The following TMPRSS11F variants were observed in gnomAD, a reference collection of about 807,000 sequenced individuals.
The protein encoded by TMPRSS11F is transmembrane protease serine 11F.
A neutral mutation model predicts 60.2 loss-of-function variants in TMPRSS11F; 47 were observed. That is an observed-to-expected ratio of 0.78 (90% CI 0.62 to 1.00). TMPRSS11F has a LOEUF of 1.00. Among genes scored for constraint, TMPRSS11F ranks in the 50% least tolerant of loss-of-function variants. TMPRSS11F has a pLI of 0.00. For synonymous variants in TMPRSS11F, 166 were observed against 167.3 expected (o/e 0.99, Z 0.06); for missense variants, 519 against 522.9 (o/e 0.99, Z 0.07).
intron 2 of TMPRSS11F, among the ~76,000 whole-genome samples, chr4:68,093,238 T>A (rs1723981477): frequency 6.6e-6 from 1 of 152,168 alleles, no homozygotes; most frequent in African/African-American, 2.4e-5. Flanking sequence ...TTTTCTGAAG[T>A]AAAAATAATA....
At chr4:68,115,787 T>C (rs973948433) in intron 1 of TMPRSS11F, among the ~76,000 whole-genome samples, 6 of 152,142 alleles carry the variant, frequency 3.9e-5, no homozygotes, top group African/African-American at 1.4e-4. Flanking sequence ...AACTATGAAA[T>C]AATTATCTGT....
At chr4:68,102,763 G>A (rs1051096048) in intron 1 of TMPRSS11F, among the ~76,000 whole-genome samples, 2 of 152,032 alleles carry the variant, frequency 1.3e-5, no homozygotes, top group Admixed American at 1.3e-4. Flanking sequence ...CAATCTGTGG[G>A]CTGCTTTTTC....
At chr4:68,069,624 A>T (rs201399795) in intron 6 of TMPRSS11F, among the ~76,000 whole-genome samples, 41 of 93,336 alleles carry the variant, frequency 4.4e-4, no homozygotes, top group Admixed American at 2.9e-3. Flanking sequence ...CAAGCAAATT[A>T]AAAAAAAATT....
intron 1 of TMPRSS11F, among the ~76,000 whole-genome samples, chr4:68,122,706 G>A (rs1228160150): frequency 1.3e-5 from 2 of 152,100 alleles, no homozygotes; most frequent in Non-Finnish European, 2.9e-5. Context: ...CATGCCTGTT[G>A]AATGAAAAAC....
chr4:68,123,319 A>G (rs114751498), intron 1 of TMPRSS11F, among the ~76,000 whole-genome samples: 1 of 152,310 alleles, frequency 6.6e-6, no homozygotes, highest in Non-Finnish European at 1.5e-5. Flanking sequence ...TAGTTGCCCA[A>G]AAAGAATAAA....
At chr4:68,120,549 C>T (rs537193921) in intron 1 of TMPRSS11F, among the ~76,000 whole-genome samples, 1 of 151,462 alleles carries the variant, frequency 6.6e-6, no homozygotes, top group African/African-American at 2.4e-5. Context: ...CCACTACGCC[C>T]GGCTAATTTT....
chr4:68,062,138 A>G (rs1723193815), intron 8 of TMPRSS11F: 7 of 439,436 alleles, frequency 1.6e-5, no homozygotes, highest in South Asian at 1.2e-4. Flanking sequence ...GACTGGCCAA[A>G]CTATGTTTTA....
In TMPRSS11F at chr4:68,053,730, A is replaced by C; in HGVS notation, c.*179T>G. 2.0e-6 allele frequency: 1 copy of C among 497,436 alleles called. No individual in the cohort carries two copies. The allele number at this position is 497,436 out of a possible 1,614,324, so 30.8% of individuals were successfully genotyped here. A position where few individuals can be genotyped will look rare whatever the true frequency, so the allele number is the denominator to read the frequency against. ...TTGCTGTGTCTTCTTCCCTCATGGT[A>C]GAGAGGGTTTGGTCCTACGTATGTA... On this transcript the variant is annotated 3_prime_UTR_variant, in exon 10 of 10. Transcript: ENST00000356291.
chr4:68,088,397 T>C (rs1723859093), intron 3 of TMPRSS11F, among the ~76,000 whole-genome samples: 3 of 150,550 alleles, frequency 2.0e-5, no homozygotes, highest in Admixed American at 1.3e-4. Flanking sequence ...ATAAAGCAAG[T>C]CCTGAGTGAC....
intron 1 of TMPRSS11F, among the ~76,000 whole-genome samples, chr4:68,110,213 A>G (rs1162411119): frequency 1.3e-5 from 2 of 152,182 alleles, no homozygotes; most frequent in African/African-American, 4.8e-5. Context: ...GACCTTCCTT[A>G]CTACACACAT....
At chr4:68,062,573 C>G in intron 8 of TMPRSS11F, 1 of 845,278 alleles carries the variant, frequency 1.2e-6, no homozygotes, top group East Asian at 2.5e-5. Context: ...CTGCCATCTA[C>G]GTACTTGCCG....
At chr4:68,057,268 A>T (rs1723064958) in intron 9 of TMPRSS11F, among the ~76,000 whole-genome samples, 1 of 150,188 alleles carries the variant, frequency 6.7e-6, no homozygotes, top group South Asian at 2.1e-4. Flanking sequence ...CTGAGTGACA[A>T]AGCGAGACTG....
At chr4:68,125,849 G>A (rs907252420) in intron 1 of TMPRSS11F, among the ~76,000 whole-genome samples, 3 of 152,272 alleles carry the variant, frequency 2.0e-5, no homozygotes, top group Non-Finnish European at 1.5e-5. Context: ...TTCTTTAAGT[G>A]CAATGGGAAG....
At chr4:68,120,451 G>C (rs57690666) in intron 1 of TMPRSS11F, among the ~76,000 whole-genome samples, 13 of 146,670 alleles carry the variant, frequency 8.9e-5, no homozygotes, top group Non-Finnish European at 1.3e-4. Flanking sequence ...TGCAGTGGCG[G>C]GATCTCGGCT....
intron 8 of TMPRSS11F, among the ~76,000 whole-genome samples, chr4:68,064,418 C>T (rs987380594): frequency 4.6e-5 from 7 of 152,090 alleles, no homozygotes; most frequent in African/African-American, 1.4e-4. Flanking sequence ...AACTCCTGAC[C>T]TCAGGTGATC....
chr4:68,085,653 A>G (rs1723797257), intron 3 of TMPRSS11F, among the ~76,000 whole-genome samples: 1 of 152,228 alleles, frequency 6.6e-6, no homozygotes, highest in South Asian at 2.1e-4. Context: ...ACAAGATTCT[A>G]CAATCTGCTG....
At chr4:68,113,901 A>G (rs182607650) in intron 1 of TMPRSS11F, among the ~76,000 whole-genome samples, 1 of 152,280 alleles carries the variant, frequency 6.6e-6, no homozygotes, top group Admixed American at 6.5e-5. Context: ...ACCTCAACAA[A>G]TTTAAAAAAA....
chr4:68,103,360 C>G lies in TMPRSS11F; in HGVS notation c.12-4322G>C, dbSNP rs368465069. ...ACTTAAGAGGCTGAGATGGGAAGAT[C>G]ACCTGAGCCCAGGAGGTCAAAGGAG... On this transcript the variant is annotated intron_variant, in intron 1 of 9. Coordinates refer to ENST00000356291, the MANE Select transcript of TMPRSS11F (RefSeq NM_207407.2). Among the ~76,000 whole-genome samples the G allele has an allele frequency of 3.1e-4, 47 of 151,650 alleles. 1 individual carries two copies. In the East Asian group the frequency reaches 8.6e-3, roughly 28 times the overall value.
At chr4:68,099,679 T>A (rs1724149671) in intron 1 of TMPRSS11F, among the ~76,000 whole-genome samples, 3 of 152,306 alleles carry the variant, frequency 2.0e-5, no homozygotes, top group African/African-American at 7.2e-5. Context: ...TCAAGTGAAA[T>A]TTTTCTGTAA....
Sources: gnomAD v4.1 joint callset for allele counts (sites outside exome capture counted in the v4.1 genomes callset) on GRCh38, gnomAD v4.1.1 for gene constraint, MANE v1.5 for transcripts, NCBI Gene and HGNC (gene_info 2026-07-23, HGNC 2026-07-21) for gene names.